Variants in PPP6R3 observed in about 807,000 individuals in gnomAD.
The protein encoded by PPP6R3 is protein phosphatase 6 regulatory subunit 3, also known as serine/threonine-protein phosphatase 6 regulatory subunit 3.
PPP6R3 carries 38 observed loss-of-function variants against 110.7 expected under a neutral mutation model. The ratio of observed to expected loss-of-function variants is 0.34; its 90% CI spans 0.26 to 0.45. The LOEUF (loss-of-function observed/expected upper bound fraction) is 0.45, where lower values mean the gene tolerates loss of function less well. Among genes scored for constraint, PPP6R3 ranks in the 20% least tolerant of loss-of-function variants. The pLI is 1.00. For synonymous variants in PPP6R3, 369 were observed against 373.5 expected, an observed-to-expected ratio of 0.99 and a Z score of 0.14; for missense variants, 870 against 1,062.4, an observed-to-expected ratio of 0.82 and a Z score of 2.52.
chr11:68,610,830 A>G (rs12798915), intron 23 of PPP6R3, among the ~76,000 whole-genome samples: 1 of 152,064 alleles, frequency 6.6e-6, no homozygotes, highest in Non-Finnish European at 1.5e-5. Context: ...ATTTCAGAGA[A>G]GTTTTAACCC....
intron 3 of PPP6R3, among the ~76,000 whole-genome samples, chr11:68,539,867 AG>A (rs1400922236): frequency 6.6e-6 from 1 of 152,220 alleles, no homozygotes; most frequent in Non-Finnish European, 1.5e-5. Context: ...GGCCTAATTA[AG>A]ATGGTGCCAT....
intron 2 of PPP6R3, among the ~76,000 whole-genome samples, chr11:68,531,309 T>TG (rs1555114451): frequency 7.4e-6 from 1 of 134,964 alleles, no homozygotes; most frequent in Non-Finnish European, 1.6e-5. Flanking sequence ...AGACTGTGTT[T>TG]TATTTATTTA....
Position 68,567,014 on chromosome 11 carries a change from A to G in PPP6R3, c.976A>G (p.Lys326Glu). Residue 326 changes from lysine (K) to glutamate (E), a missense_variant and splice_region_variant, in exon 10 of 24, where the codon AAA becomes GAA. Physicochemically the swap from Lys to Glu is moderately conservative, Grantham distance 56 (BLOSUM62 1). Transcript: ENST00000393800. ...FHELLLEPPK[K>E]SVMKTTWGVL... ...AATTGGAAAGCTTTTTCTTCTTCAG[A>G]AAAGTGTGATGAAGACCACATGGGG... is the stretch of plus-strand genomic sequence containing the variant. 1 of 1,536,460 alleles carries G rather than the reference A, an allele frequency of 6.5e-7. No individual in the cohort carries two copies. Among genetic ancestry groups the G allele is most frequent in the Admixed American group, 2.1e-5 (1 of 46,872 alleles).
intron 22 of PPP6R3, among the ~76,000 whole-genome samples, chr11:68,608,395 T>G (rs1056102851): frequency 9.9e-5 from 15 of 152,208 alleles, no homozygotes; most frequent in African/African-American, 1.4e-4. Context: ...GAGCAGCAGT[T>G]AAAGGTGGAT....
intron 1 of PPP6R3, among the ~76,000 whole-genome samples, chr11:68,492,075 A>G (rs762903121): frequency 9.5e-4 from 144 of 152,308 alleles, no homozygotes; most frequent in Non-Finnish European, 1.7e-3. Context: ...TGCATCATAC[A>G]GTATTTGTCC....
chr11:68,547,645 T>C (rs887489457), intron 4 of PPP6R3, among the ~76,000 whole-genome samples: 1 of 152,232 alleles, frequency 6.6e-6, no homozygotes, highest in African/African-American at 2.4e-5. Context: ...TTTTTTCTCA[T>C]GCTTGTTAGA....
chr11:68,461,976 G>C (rs2098711122), intron 1 of PPP6R3, among the ~76,000 whole-genome samples: 2 of 152,176 alleles, frequency 1.3e-5, no homozygotes, highest in Admixed American at 6.5e-5. Flanking sequence ...CTGTGGAGTG[G>C]AGTCAGTGAC....
chr11:68,614,664 G>A lies in PPP6R3; in HGVS notation c.*1547G>A, dbSNP rs1944875281. The stretch of plus-strand genomic sequence containing the variant: ...GAGATTCCAGCACTCCCAGGACAGT[G>A]GAGTCAGCAGTAAGCCCTGGGACAG... On this transcript the variant is annotated 3_prime_UTR_variant, in exon 24 of 24. Coordinates refer to ENST00000393800, the MANE Select transcript of PPP6R3 (RefSeq NM_001164161.2). 1 of 1,519,990 alleles carries A rather than the reference G, an allele frequency of 6.6e-7. No homozygotes were observed. Among genetic ancestry groups the A allele is most frequent in the African/African-American group, 1.4e-5 (1 of 70,728 alleles). 94.2% of individuals were successfully genotyped at this position (1,519,990 alleles called of 1,614,324 possible).
chr11:68,567,187 A>T (rs1330109618), intron 10 of PPP6R3, 21 bp downstream of exon 10: 2 of 1,517,904 alleles, frequency 1.3e-6, no homozygotes, highest in African/African-American at 1.4e-5. Flanking sequence ...CCCTGCTCAC[A>T]GACATTTTAA....
At chr11:68,600,197 G>A in intron 19 of PPP6R3, 144 bp from the exon 20 acceptor site, 1 of 841,918 alleles carries the variant, frequency 1.2e-6, no homozygotes, top group Non-Finnish European at 2.0e-6. Context: ...AGGTGGCTGT[G>A]CCCTGTCCGC....
chr11:68,472,608 T>C (rs1251175437), intron 1 of PPP6R3, among the ~76,000 whole-genome samples: 2 of 152,004 alleles, frequency 1.3e-5, no homozygotes, highest in Admixed American at 6.6e-5. Flanking sequence ...TGTAAACTTA[T>C]ATCTCGGGGT....
At chr11:68,477,741 A>AAAAAAAAAAAAAAATATATAT in intron 1 of PPP6R3, among the ~76,000 whole-genome samples, 1 of 57,894 alleles carries the variant, frequency 1.7e-5, no homozygotes, top group African/African-American at 7.1e-5. Context: ...AAAAAAAAAA[A>AAAAAAAAAAAAAAATATATAT]ATATATATAT....
At chr11:68,590,520 A>G in intron 16 of PPP6R3, 140 bp from the exon 17 acceptor site, 1 of 919,906 alleles carries the variant, frequency 1.1e-6, no homozygotes, top group Non-Finnish European at 1.5e-6. Flanking sequence ...TAATATAAGA[A>G]GGTTGTTTCT....
chr11:68,596,325 G>T lies in PPP6R3; in HGVS notation c.2038+107G>T, dbSNP rs1164402242. On this transcript the variant is annotated intron_variant, in intron 19 of 23. Coordinates refer to ENST00000393800, the MANE Select transcript of PPP6R3 (RefSeq NM_001164161.2). ...CATCTGAGATGATATCTGAAGGAAA[G>T]GTTGGGTTGAAGCGTGTTGTCAAGT... The T allele has an allele frequency of 3.4e-6, 5 of 1,490,586 alleles. No individual in the cohort carries two copies. In the East Asian group the frequency reaches 1.1e-4, roughly 34 times the overall value. The allele number at this position is 1,490,586 out of a possible 1,614,324, so 92.3% of individuals were successfully genotyped here. A position where few individuals can be genotyped will look rare whatever the true frequency, so the allele number is the denominator to read the frequency against.
At chr11:68,498,299 T>TA (rs1295799688) in intron 1 of PPP6R3, among the ~76,000 whole-genome samples, 2 of 152,214 alleles carry the variant, frequency 1.3e-5, no homozygotes, top group African/African-American at 4.8e-5. Context: ...ATAATGAAAC[T>TA]ATCAGTTACC....
chr11:68,539,856 A>G (rs1184933162), intron 3 of PPP6R3, among the ~76,000 whole-genome samples: 1 of 152,166 alleles, frequency 6.6e-6, no homozygotes, highest in African/African-American at 2.4e-5. Context: ...AGCTCAGGAA[A>G]GGCCTAATTA....
chr11:68,552,009 G>C (rs982596680), intron 6 of PPP6R3, among the ~76,000 whole-genome samples: 3 of 152,212 alleles, frequency 2.0e-5, no homozygotes, highest in Non-Finnish European at 2.9e-5. Context: ...ATTGAAGCTA[G>C]ATTTGGAGTT....
At chr11:68,461,444 C>T (rs1215414198) in intron 1 of PPP6R3, among the ~76,000 whole-genome samples, 2 of 121,386 alleles carry the variant, frequency 1.6e-5, no homozygotes, top group East Asian at 2.8e-4. Context: ...TGTGAGGTGG[C>T]TTGTATGTAA....
At chr11:68,571,885 C>G (rs1268441073) in intron 12 of PPP6R3, among the ~76,000 whole-genome samples, 1 of 152,156 alleles carries the variant, frequency 6.6e-6, no homozygotes, top group African/African-American at 2.4e-5. Context: ...CAAGACATTT[C>G]TGTCACCCCC....
Sources: allele counts gnomAD v4.1 joint callset (sites outside exome capture counted in the v4.1 genomes callset), GRCh38; gene constraint gnomAD v4.1.1; transcripts MANE v1.5; gene names NCBI Gene and HGNC (gene_info 2026-07-23, HGNC 2026-07-21).